Variants in CCDC33 observed in about 807,000 individuals in gnomAD.
The protein encoded by CCDC33 is coiled-coil domain containing 33.
In CCDC33, 94 loss-of-function variants were observed where a neutral mutation model predicts 91.9. That is an observed-to-expected ratio of 1.02 (90% confidence interval 0.87 to 1.21). The LOEUF is 1.21. CCDC33 is among the 50% of genes most tolerant of loss of function. The pLI is 0.00. For synonymous variants in CCDC33, 396 were observed against 374.5 expected (o/e 1.06, Z -0.66); for missense variants, 940 against 935.5 (o/e 1.00, Z -0.06).
intron 11 of CCDC33, among the ~76,000 whole-genome samples, chr15:74,298,925 A>G (rs2059740668): frequency 6.6e-6 from 1 of 151,958 alleles, no homozygotes; most frequent in Non-Finnish European, 1.5e-5. Context: ...GTTGGCCAGG[A>G]TAGTCCCAAG....
chr15:74,330,588 T>G lies in CCDC33; in HGVS notation c.1457-75T>G, dbSNP rs1003235039. On this transcript the variant is annotated intron_variant, in intron 12 of 18. Coordinates refer to ENST00000398814, the MANE Select transcript of CCDC33 (RefSeq NM_025055.5). Reference sequence around the variant, plus strand: ...GCCCTCGGGCCAAGGGATATCTGCCTTCCTGCTACTGACCATGCTGATTTG... The same window carrying G: ...GCCCTCGGGCCAAGGGATATCTGCCGTCCTGCTACTGACCATGCTGATTTG... 3 of 1,282,336 alleles carry G rather than the reference T, an allele frequency of 2.3e-6. No homozygotes were observed. In the African/African-American group the frequency reaches 4.4e-5, roughly 19 times the overall value. 79.4% of individuals were successfully genotyped at this position (1,282,336 alleles called of 1,614,324 possible).
chr15:74,262,592 G>A lies in CCDC33; in HGVS notation c.319+19G>A. On this transcript the variant is annotated intron_variant, in intron 3 of 18. Coordinates refer to ENST00000398814, the MANE Select transcript of CCDC33 (RefSeq NM_025055.5). The stretch of plus-strand genomic sequence containing the variant: ...CAAGAAGGTAAGCAGGGGCTGGGCA[G>A]GGCCGGCATGTGCAGGCAGGGTGTG... 1 of 1,606,840 alleles carries A rather than the reference G, an allele frequency of 6.2e-7. No homozygotes were observed. Among genetic ancestry groups the A allele is most frequent in the Non-Finnish European group, 8.5e-7 (1 of 1,176,844 alleles).
intron 11 of CCDC33, among the ~76,000 whole-genome samples, chr15:74,322,430 G>A (rs1596119299): frequency 1.3e-5 from 2 of 152,252 alleles, no homozygotes; most frequent in Non-Finnish European, 2.9e-5. Context: ...CTGCAAGATG[G>A]GTCTCATCCC....
At chr15:74,295,638 T>C (rs1482800741) in intron 10 of CCDC33, 116 bp from the exon 11 acceptor site, 4 of 856,032 alleles carry the variant, frequency 4.7e-6, no homozygotes, top group African/African-American at 1.7e-5. Flanking sequence ...GGGCCAGCCA[T>C]GCAGGGCCTC....
chr15:74,310,307 G>A (rs528337419), intron 11 of CCDC33, among the ~76,000 whole-genome samples: 1 of 152,246 alleles, frequency 6.6e-6, no homozygotes, highest in South Asian at 2.1e-4. Context: ...GGAAGGCCGA[G>A]GCGGGCAGAT....
chr15:74,295,324 A>G lies in CCDC33; in HGVS notation c.1096-430A>G, dbSNP rs138897547. 6.6e-5 allele frequency among the ~76,000 whole-genome samples: 10 copies of G among 152,356 alleles called. No individual in the cohort carries two copies. The East Asian group carries it at 1.7e-3, about 26-fold the overall frequency. On this transcript the variant is annotated intron_variant, in intron 10 of 18. Coordinates refer to ENST00000398814, the MANE Select transcript of CCDC33 (RefSeq NM_025055.5). ...TAAATGCATTTTTAAATTTTCTGGT[A>G]GAGTAGGTGCTATGAACACAGTAAA...
At chr15:74,235,892 CTT>C (rs1264581894), upstream of CCDC33, among the ~76,000 whole-genome samples, 1 of 152,238 alleles carries the variant, frequency 6.6e-6, no homozygotes, top group African/African-American at 2.4e-5. Context: ...CTCTTACCCT[CTT>C]CTCTCCCCGA....
In CCDC33 at chr15:74,253,537, C is replaced by G. The variant is rs187262677; in HGVS notation, c.186-8903C>G. Among the ~76,000 whole-genome samples, 416 of 152,296 alleles carry G rather than the reference C, an allele frequency of 2.7e-3. 1 individual carries two copies. Among genetic ancestry groups the G allele is most frequent in the Non-Finnish European group, 4.6e-3 (316 of 68,024 alleles). On this transcript the variant is annotated intron_variant, in intron 2 of 18. Coordinates refer to ENST00000398814, the MANE Select transcript of CCDC33 (RefSeq NM_025055.5). ...ATCCCGTTGATCTCCTCGTTCCCCC[C>G]CTCCTTCTCTGAGGCTCCCCCTATC... is the stretch of plus-strand genomic sequence containing the variant.
At chr15:74,255,309 G>T (rs904951696) in intron 2 of CCDC33, among the ~76,000 whole-genome samples, 2 of 152,268 alleles carry the variant, frequency 1.3e-5, no homozygotes, top group African/African-American at 4.8e-5. Flanking sequence ...ACAGTCAGCA[G>T]CGGTGAGCCA....
chr15:74,289,504 A>G (rs745704852), intron 10 of CCDC33, among the ~76,000 whole-genome samples: 1 of 152,232 alleles, frequency 6.6e-6, no homozygotes, highest in African/African-American at 2.4e-5. Context: ...ACTTGAGCTC[A>G]GGAGTTCGAG....
chr15:74,272,435 C>G (rs776098137), intron 6 of CCDC33, among the ~76,000 whole-genome samples: 1 of 152,188 alleles, frequency 6.6e-6, no homozygotes, highest in Non-Finnish European at 1.5e-5. Flanking sequence ...CCCCTATGAA[C>G]GTGTGCTCTC....
At position 74,251,585 on chromosome 15, in the gene CCDC33, G is replaced by A. The variant is rs775444719; in HGVS notation, c.185+7437G>A. ...ACAGAGCCAGGACTCGAAGGGGAAG[G>A]CGCTGCTTCCTCTGTGCATGTGGGG... is the stretch of plus-strand genomic sequence containing the variant. On this transcript the variant is annotated intron_variant, in intron 2 of 18. Transcript: ENST00000398814. 2.0e-5 allele frequency among the ~76,000 whole-genome samples: 3 copies of A among 152,236 alleles called. No individual in the cohort carries two copies. In the South Asian group the frequency reaches 6.2e-4, roughly 32 times the overall value.
At chr15:74,266,081 G>A (rs374797920) in intron 3 of CCDC33, among the ~76,000 whole-genome samples, 1 of 152,168 alleles carries the variant, frequency 6.6e-6, no homozygotes. Context: ...TAGTCTCTTT[G>A]GAGGGTGTTT....
upstream of CCDC33, among the ~76,000 whole-genome samples, chr15:74,214,504 G>T (rs907062157): frequency 6.6e-6 from 1 of 152,210 alleles, no homozygotes; most frequent in Non-Finnish European, 1.5e-5. Flanking sequence ...GGAGTAGAGA[G>T]AACCCTGAGA....
At chr15:74,317,887 G>GTTTTT (rs71137385) in intron 11 of CCDC33, among the ~76,000 whole-genome samples, 271 of 110,310 alleles carry the variant, frequency 2.5e-3, no homozygotes, top group African/African-American at 4.2e-3. Context: ...GTTTGGGTTT[G>GTTTTT]TTTTTTTTTT....
rs1323825077 is a variant in CCDC33, at chr15:74,334,998, G to C, written c.2049G>C (p.Trp683Cys). Reference protein sequence around the residue: ...ESQLEDSARRWGREKQDLATR... With the variant: ...ESQLEDSARRCGREKQDLATR... ...AGTTAGAGGACTCAGCTCGACGCTG[G>C]GGACGAGAGAAGCAGGATCTGGCCA... The change falls in exon 18 of 19, where the codon TGG (tryptophan) becomes TGC (cysteine). Residue 683 changes from tryptophan to cysteine, a missense_variant. Trp to Cys is a radical substitution (Grantham distance 215). Transcript: ENST00000398814. 6.2e-7 allele frequency: 1 copy of C among 1,614,100 alleles called. No homozygotes were observed. The highest frequency in any genetic ancestry group is 2.2e-5 in the East Asian group (1 of 44,876).
intron 2 of CCDC33, among the ~76,000 whole-genome samples, chr15:74,258,954 CAA>C (rs772473607): frequency 1.8e-4 from 28 of 152,240 alleles, no homozygotes; most frequent in South Asian, 1.7e-3. Flanking sequence ...TGGAGTTTGT[CAA>C]AGACACACAC....
Position 74,277,062 on chromosome 15 carries a change from A to G in CCDC33, c.760-2901A>G, listed in dbSNP as rs548691154. ...CACCCCACAGGCATCTGGAATGGAG[A>G]AGCCCCCCAGAGTCAACATTTGCTG... is the stretch of plus-strand genomic sequence containing the variant. On this transcript the variant is annotated intron_variant, in intron 7 of 18. Coordinates refer to ENST00000398814, the MANE Select transcript of CCDC33 (RefSeq NM_025055.5). 1.6e-4 allele frequency among the ~76,000 whole-genome samples: 25 copies of G among 152,292 alleles called. 1 individual carries two copies. In the South Asian group the frequency reaches 5.0e-3, roughly 30 times the overall value.
chr15:74,271,104 T>C (rs1355176574), intron 5 of CCDC33, among the ~76,000 whole-genome samples: 1 of 151,804 alleles, frequency 6.6e-6, no homozygotes, highest in Non-Finnish European at 1.5e-5. Flanking sequence ...GGCACCAGGG[T>C]GAGCAGTGGA....
Sources: allele counts gnomAD v4.1 joint callset (sites outside exome capture counted in the v4.1 genomes callset), GRCh38; gene constraint gnomAD v4.1.1; transcripts MANE v1.5; gene names NCBI Gene and HGNC (gene_info 2026-07-23, HGNC 2026-07-21).